Variants in PGM5 observed in about 807,000 individuals in gnomAD.
The protein encoded by PGM5 is phosphoglucomutase-like protein 5.
PGM5 carries 23 observed loss-of-function variants against 59.2 expected under a neutral mutation model. The observed-to-expected ratio is 0.39, with a 90% CI of 0.28 to 0.55. The LOEUF (loss-of-function observed/expected upper bound fraction) is 0.55, where lower values mean the gene tolerates loss of function less well. Ranked by LOEUF, PGM5 falls within the 20% of genes least tolerant of loss-of-function variation. The pLI is 0.66. For missense variants in PGM5, 574 were observed against 748.3 expected (o/e 0.77, Z 2.72); for synonymous variants, 214 against 286.0 (o/e 0.75, Z 2.54).
chr9:68,385,655 G>A (rs1415650470), intron 3 of PGM5, among the ~76,000 whole-genome samples: 2 of 151,974 alleles, frequency 1.3e-5, no homozygotes, highest in African/African-American at 2.4e-5. Flanking sequence ...ACAATTAAAG[G>A]CAAGGGGTAC....
chr9:68,498,946 C>T (rs190919291), intron 9 of PGM5: 15 of 358,508 alleles, frequency 4.2e-5, no homozygotes, highest in Non-Finnish European at 6.1e-5. Context: ...TTCTGATTCC[C>T]ATATCACCAG....
At chr9:68,422,087 T>C (rs543305760) in intron 6 of PGM5, among the ~76,000 whole-genome samples, 1 of 152,100 alleles carries the variant, frequency 6.6e-6, no homozygotes, top group African/African-American at 2.4e-5. Flanking sequence ...AATAAATAAT[T>C]TTTAAATGTA....
Position 68,529,508 on chromosome 9 carries a change from G to C in PGM5, c.1615-59G>C, listed in dbSNP as rs943366068. 187 of 1,217,068 alleles carry C rather than the reference G, an allele frequency of 1.5e-4. 2 individuals carry two copies. Among genetic ancestry groups the C allele is most frequent in the Non-Finnish European group, 2.1e-4 (176 of 843,970 alleles). The allele number at this position is 1,217,068 out of a possible 1,614,324, so 75.4% of individuals were successfully genotyped here. A position where few individuals can be genotyped will look rare whatever the true frequency, so the allele number is the denominator to read the frequency against. ...AGATGCTTATGGTAGAAATCCATCA[G>C]AATGCCCCAAAATGTAACTGACTTG... On this transcript the variant is annotated intron_variant, in intron 10 of 10. Coordinates refer to ENST00000396396, the MANE Select transcript of PGM5 (RefSeq NM_021965.4).
At chr9:68,413,427 A>C (rs559962099) in intron 6 of PGM5, among the ~76,000 whole-genome samples, 1 of 152,072 alleles carries the variant, frequency 6.6e-6, no homozygotes, top group Non-Finnish European at 1.5e-5. Context: ...TCACACACGC[A>C]AGTACTCACC....
chr9:68,399,960 A>C (rs1822624164), intron 6 of PGM5, among the ~76,000 whole-genome samples: 1 of 152,068 alleles, frequency 6.6e-6, no homozygotes, highest in African/African-American at 2.4e-5. Context: ...CAGATGTACC[A>C]CTAATCACTG....
chr9:68,509,937 G>A (rs1824720085), intron 10 of PGM5, among the ~76,000 whole-genome samples: 1 of 152,060 alleles, frequency 6.6e-6, no homozygotes, highest in African/African-American at 2.4e-5. Flanking sequence ...ACCCTGGGAA[G>A]AACAAAACCT....
intron 6 of PGM5, among the ~76,000 whole-genome samples, chr9:68,418,495 A>T (rs1823072903): frequency 6.6e-6 from 1 of 151,982 alleles, no homozygotes; most frequent in South Asian, 2.1e-4. Flanking sequence ...TGGAAATCAG[A>T]CTCTGTTACT....
At chr9:68,513,163 T>C (rs1824777953) in intron 10 of PGM5, among the ~76,000 whole-genome samples, 1 of 152,246 alleles carries the variant, frequency 6.6e-6, no homozygotes, top group Non-Finnish European at 1.5e-5. Context: ...AAATTACATT[T>C]GTATTTGTGT....
chr9:68,420,587 G>T (rs1823111668), intron 6 of PGM5, among the ~76,000 whole-genome samples: 1 of 152,186 alleles, frequency 6.6e-6, no homozygotes, highest in African/African-American at 2.4e-5. Flanking sequence ...TGGGTTATAT[G>T]AAGTATAAAG....
chr9:68,529,444 T>C (rs1241751715), intron 10 of PGM5, 123 bp from the exon 11 acceptor site: 3 of 715,574 alleles, frequency 4.2e-6, no homozygotes, highest in East Asian at 2.9e-5. Flanking sequence ...GTCCTGCTCA[T>C]GAAGACTGCC....
Position 68,483,979 on chromosome 9 carries a change from C to T in PGM5, c.1410C>T (p.Val470=). The change falls in exon 9 of 11, where the codon GTC becomes GTT. Residue 470 remains valine, a synonymous_variant. Transcript: ENST00000396396. Reference sequence around the variant, plus strand: ...AGCAGTTTGCTGTGGGGAGCCATGTCTACAGCGTGGCGAAGACGGATAGTT... The same window carrying T: ...AGCAGTTTGCTGTGGGGAGCCATGTTTACAGCGTGGCGAAGACGGATAGTT... ...IGQQFAVGSH[V]YSVAKTDSFE... is the part of the protein sequence containing the mutation. 6.2e-7 allele frequency: 1 copy of T among 1,614,102 alleles called. No homozygotes were observed. The highest frequency in any genetic ancestry group is 8.5e-7 in the Non-Finnish European group (1 of 1,180,008).
At chr9:68,429,760 C>G (rs1823311054) in intron 6 of PGM5, among the ~76,000 whole-genome samples, 1 of 152,298 alleles carries the variant, frequency 6.6e-6, no homozygotes, top group East Asian at 1.9e-4. Context: ...TCTCAGGCCT[C>G]CATCCTGGAG....
rs562512732 is a variant in PGM5 at position 68,413,173 on chromosome 9, T to C, written c.1043+20700T>C. Among the ~76,000 whole-genome samples the C allele has an allele frequency of 7.9e-5, 12 of 152,350 alleles. No individual in the cohort carries two copies. The East Asian group carries it at 1.5e-3, about 20-fold the overall frequency. On this transcript the variant is annotated intron_variant, in intron 6 of 10. Coordinates refer to ENST00000396396, the MANE Select transcript of PGM5 (RefSeq NM_021965.4). ...GTTTCTCTATTTAAAGGGAGTCATG[T>C]TCCTTCTATACCTGTCTGGCTATCT...
chr9:68,384,580 C>T (rs1822167521), intron 3 of PGM5, 36 bp downstream of exon 3: 3 of 1,457,440 alleles, frequency 2.1e-6, no homozygotes, highest in Non-Finnish European at 2.9e-6. Context: ...GTCAGAGTAA[C>T]TATGTGGATG....
rs782072173 is a variant in PGM5 at position 68,437,174 on chromosome 9, T to C, written c.1044-27919T>C. On this transcript the variant is annotated intron_variant, in intron 6 of 10. Coordinates refer to ENST00000396396, the MANE Select transcript of PGM5 (RefSeq NM_021965.4). The surrounding 1 kb of genome is among the most constrained non-coding windows in gnomAD (Gnocchi z 4.1). ...TAAAATCAAATGAGATCATGACACA[T>C]ACCTGTCAGTGACATGCAAATTAAA... Among the ~76,000 whole-genome samples the C allele has an allele frequency of 6.6e-6, 1 of 152,256 alleles. No individual in the cohort carries two copies. The highest frequency in any genetic ancestry group is 1.5e-5 in the Non-Finnish European group (1 of 68,048).
intron 6 of PGM5, among the ~76,000 whole-genome samples, chr9:68,428,137 T>C (rs971776104): frequency 6.6e-6 from 1 of 152,240 alleles, no homozygotes; most frequent in Non-Finnish European, 1.5e-5. Flanking sequence ...CTTGAACTTA[T>C]AAACAGATGA....
chr9:68,477,234 G>C (rs1160682241), intron 7 of PGM5, among the ~76,000 whole-genome samples: 1 of 152,190 alleles, frequency 6.6e-6, no homozygotes. Flanking sequence ...TTAGCAGACC[G>C]TTGATCAGTG....
At chr9:68,431,291 T>C (rs1554683011) in intron 6 of PGM5, among the ~76,000 whole-genome samples, 1 of 152,182 alleles carries the variant, frequency 6.6e-6, no homozygotes, top group East Asian at 1.9e-4. Context: ...ATTCTGTTTT[T>C]CTAGTCCTAC....
At chr9:68,507,165 G>A (rs962552627) in intron 10 of PGM5, among the ~76,000 whole-genome samples, 1 of 152,160 alleles carries the variant, frequency 6.6e-6, no homozygotes, top group South Asian at 2.1e-4. Flanking sequence ...ATGGGGGAGG[G>A]CAAAGTGTTG....
Sources: allele counts gnomAD v4.1 joint callset (sites outside exome capture counted in the v4.1 genomes callset), GRCh38; gene constraint gnomAD v4.1.1; non-coding constraint Gnocchi (gnomAD v3.1); transcripts MANE v1.5; gene names NCBI Gene and HGNC (gene_info 2026-07-23, HGNC 2026-07-21).